RHBDL3: variants seen among roughly 807,000 people sequenced by gnomAD.
RHBDL3 encodes the protein rhomboid-related protein 3.
Under a neutral mutation model 48.2 loss-of-function variants are expected in RHBDL3, and 28 were observed. The ratio of observed to expected loss-of-function variants is 0.58; its 90% CI spans 0.43 to 0.80. RHBDL3 has a LOEUF of 0.80. Among genes scored for constraint, RHBDL3 ranks in the 30% least tolerant of loss-of-function variants. The probability of loss-of-function intolerance (pLI) is 0.00; values close to 1 mark genes in which losing one functional copy is unlikely to be tolerated. For synonymous variants in RHBDL3, 208 were observed against 232.3 expected (o/e 0.90, Z 0.95); for missense variants, 464 against 542.7 (o/e 0.85, Z 1.44).
intron 5 of RHBDL3, among the ~76,000 whole-genome samples, chr17:32,295,067 A>T (rs2040417457): frequency 6.6e-6 from 1 of 152,124 alleles, no homozygotes; most frequent in Non-Finnish European, 1.5e-5. Flanking sequence ...CTTTGATGGG[A>T]GAGGAGAGAC....
intron 5 of RHBDL3, 58 bp downstream of exon 5, chr17:32,294,500 A>G: frequency 3.4e-6 from 5 of 1,473,644 alleles, no homozygotes; most frequent in African/African-American, 1.4e-5. Context: ...TAAGTGGTCA[A>G]GATAGCCTGG....
At chr17:32,301,587 G>A (rs1357210942) in intron 6 of RHBDL3, among the ~76,000 whole-genome samples, 1 of 152,062 alleles carries the variant, frequency 6.6e-6, no homozygotes, top group Non-Finnish European at 1.5e-5. Flanking sequence ...TTGGGAGGCC[G>A]AGGCGAGCAG....
intron 2 of RHBDL3, among the ~76,000 whole-genome samples, chr17:32,283,624 G>A (rs995536271): frequency 6.6e-6 from 1 of 152,068 alleles, no homozygotes; most frequent in African/African-American, 2.4e-5. Flanking sequence ...CGCCTGGCCC[G>A]ATCCTGCCTT....
intron 8 of RHBDL3, among the ~76,000 whole-genome samples, chr17:32,318,325 TAAA>T (rs756087293): frequency 1.4e-5 from 2 of 144,642 alleles, no homozygotes; most frequent in Non-Finnish European, 3.0e-5. Context: ...GACCTTGCCT[TAAA>T]AAAAAAAAAA....
intron 7 of RHBDL3, among the ~76,000 whole-genome samples, chr17:32,311,132 T>A (rs1330054653): frequency 1.3e-5 from 2 of 152,230 alleles, no homozygotes; most frequent in Non-Finnish European, 1.5e-5. Flanking sequence ...CTGAGGGGAC[T>A]GGTTACCAAC....
chr17:32,281,982 C>T (rs772784199), intron 2 of RHBDL3, among the ~76,000 whole-genome samples: 2 of 152,226 alleles, frequency 1.3e-5, no homozygotes, highest in Admixed American at 1.3e-4. Flanking sequence ...CACTTCACCT[C>T]CCCGTGCTAA....
intron 2 of RHBDL3, among the ~76,000 whole-genome samples, chr17:32,274,541 G>A (rs2039849224): frequency 6.6e-6 from 1 of 152,180 alleles, no homozygotes; most frequent in Non-Finnish European, 1.5e-5. Flanking sequence ...TCTCTCAGCA[G>A]CCCTGTGAGG....
intron 2 of RHBDL3, among the ~76,000 whole-genome samples, chr17:32,270,892 T>C (rs2039756432): frequency 1.3e-5 from 2 of 152,240 alleles, no homozygotes; most frequent in African/African-American, 2.4e-5. Context: ...TATAGTATAA[T>C]ATCGTAGTAA....
intron 7 of RHBDL3, among the ~76,000 whole-genome samples, chr17:32,310,088 C>T (rs993338431): frequency 6.6e-6 from 1 of 152,062 alleles, no homozygotes; most frequent in Non-Finnish European, 1.5e-5. Flanking sequence ...TACAGATACA[C>T]CTAATTGAAT....
intron 4 of RHBDL3, 98 bp from the exon 5 acceptor site, chr17:32,294,196 G>T: frequency 3.1e-6 from 3 of 956,312 alleles, no homozygotes; most frequent in African/African-American, 1.7e-5. Context: ...AGAAGGAAAG[G>T]TGATAACTTC....
intron 5 of RHBDL3, among the ~76,000 whole-genome samples, chr17:32,297,104 G>A (rs2040469162): frequency 6.6e-6 from 1 of 151,990 alleles, no homozygotes; most frequent in South Asian, 2.1e-4. Context: ...ACCTGTCTGG[G>A]CCTCCTGCAG....
At chr17:32,281,632 TGGGAG>T (rs1488764459) in intron 2 of RHBDL3, among the ~76,000 whole-genome samples, 1 of 152,076 alleles carries the variant, frequency 6.6e-6, no homozygotes, top group Non-Finnish European at 1.5e-5. Context: ...CTTGTAGAGA[TGGGAG>T]GGGTCCCAGG....
At chr17:32,315,518 C>T (rs1368501492) in intron 7 of RHBDL3, among the ~76,000 whole-genome samples, 2 of 152,102 alleles carry the variant, frequency 1.3e-5, no homozygotes, top group Non-Finnish European at 2.9e-5. Context: ...GCCACCTGGC[C>T]CACCCCCTCT....
chr17:32,287,630 A>T (rs2040228085), intron 3 of RHBDL3, among the ~76,000 whole-genome samples: 1 of 152,130 alleles, frequency 6.6e-6, no homozygotes, highest in Admixed American at 6.5e-5. Context: ...CTGCCCTCTG[A>T]CAGGGCCTAC....
chr17:32,314,251 G>A (rs1183618128), intron 7 of RHBDL3, among the ~76,000 whole-genome samples: 1 of 152,168 alleles, frequency 6.6e-6, no homozygotes, highest in Non-Finnish European at 1.5e-5. Flanking sequence ...AAGGGAGGAG[G>A]TGGGCAAGAA....
Position 32,287,497 on chromosome 17 carries a change from G to A in RHBDL3, c.295-1295G>A, listed in dbSNP as rs541404487. Among the ~76,000 whole-genome samples, 3 of 152,222 alleles carry A rather than the reference G, an allele frequency of 2.0e-5. No homozygotes were observed. The South Asian group carries it at 6.2e-4, about 32-fold the overall frequency. ...TCATCTGGGATGGCCTGCTGGAGGG[G>A]GCGAGCTTTAAGCTAGATTTTGACT... On this transcript the variant is annotated intron_variant, in intron 3 of 8. Transcript: ENST00000269051.
At position 32,305,432 on chromosome 17, in the gene RHBDL3, CA is replaced by C; in HGVS notation, c.874del (p.Ile292LeufsTer3). On this transcript the variant is annotated frameshift_variant, in exon 7 of 9. Transcript: ENST00000269051. LOFTEE classifies it high-confidence loss of function. ...YALVSAHLAN[I>X]VMNWSGMKCQ... The stretch of plus-strand genomic sequence containing the variant: ...CTCTCGTCTCTGCCCATCTGGCCAA[CA>C]TTGTCATGGTGAGCACCTCCCGTTC... 1.2e-6 allele frequency: 2 copies of C among 1,608,042 alleles called. No individual in the cohort carries two copies. The highest frequency in any genetic ancestry group is 1.7e-6 in the Non-Finnish European group (2 of 1,174,466).
At chr17:32,305,916 T>TC (rs1023090235) in intron 7 of RHBDL3, among the ~76,000 whole-genome samples, 4 of 99,180 alleles carry the variant, frequency 4.0e-5, no homozygotes, top group Non-Finnish European at 9.4e-5. Flanking sequence ...AGATTCTTTC[T>TC]CAAAAAAAAA....
chr17:32,295,406 A>G (rs1567777414), intron 5 of RHBDL3, among the ~76,000 whole-genome samples: 1 of 152,208 alleles, frequency 6.6e-6, no homozygotes, highest in East Asian at 1.9e-4. Flanking sequence ...GCCAAAGAGG[A>G]CCATTGGTAC....
Sources: gnomAD v4.1 joint callset for allele counts (sites outside exome capture counted in the v4.1 genomes callset) on GRCh38, gnomAD v4.1.1 for gene constraint, MANE v1.5 for transcripts, NCBI Gene and HGNC (gene_info 2026-07-23, HGNC 2026-07-21) for gene names.